The following GPATCH8 variants were observed in gnomAD, a reference collection of about 807,000 sequenced individuals.
GPATCH8 encodes the protein G patch domain-containing protein 8.
A neutral mutation model predicts 118.3 loss-of-function variants in GPATCH8; 18 were observed. The observed-to-expected ratio is 0.15, with a 90% CI of 0.11 to 0.23. The LOEUF (loss-of-function observed/expected upper bound fraction) is 0.23. Ranked by LOEUF, GPATCH8 falls within the 10% of genes least tolerant of loss-of-function variation. The probability of loss-of-function intolerance (pLI) is 1.00; values close to 1 mark genes in which losing one functional copy is unlikely to be tolerated. For missense variants in GPATCH8, 1,631 were observed against 1,873.8 expected, an observed-to-expected ratio of 0.87 and a Z score of 2.39; for synonymous variants, 659 against 684.7, an observed-to-expected ratio of 0.96 and a Z score of 0.59.
At chr17:44,469,319 A>C (rs772508030) in intron 2 of GPATCH8, among the ~76,000 whole-genome samples, 2 of 152,220 alleles carry the variant, frequency 1.3e-5, no homozygotes, top group African/African-American at 4.8e-5. Context: ...TTAAATACCA[A>C]GTAGAAACTT....
rs143370562 is a variant in GPATCH8, at chr17:44,399,999, G to A, written c.2078C>T (p.Ala693Val). The change falls in exon 8 of 8, where the codon GCT becomes GTT. Residue 693 changes from alanine to valine, a missense_variant. This residue lies in a region of GPATCH8 where 922 missense variants were observed against 879.7 expected (regional missense o/e 1.05). Coordinates refer to ENST00000591680, the MANE Select transcript of GPATCH8 (RefSeq NM_001002909.4). ...CTTAGAGCTTTTCTCTTCTGTGTCA[G>A]CCTTGTGTTTACGTTTGTGTTTGCT... ...KSSKHKRKHKADTEEKSSKAE... is the reference protein window; with the variant it reads ...KSSKHKRKHKVDTEEKSSKAE... 2.0e-5 allele frequency: 32 copies of A among 1,613,948 alleles called. No homozygotes were observed. In the African/African-American group the frequency reaches 3.3e-4, roughly 17 times the overall value.
At chr17:44,467,359 G>A (rs2051809957) in intron 2 of GPATCH8, among the ~76,000 whole-genome samples, 1 of 152,088 alleles carries the variant, frequency 6.6e-6, no homozygotes, top group East Asian at 1.9e-4. Flanking sequence ...AAAAAATTAA[G>A]GTTATACACA....
rs777764106 is a variant in GPATCH8 at position 44,401,488 on chromosome 17, G to C, written c.624-35C>G. The stretch of plus-strand genomic sequence containing the variant: ...GATTTAGAAAAATAAAAAACAAAAA[G>C]CAGGTTTAGGAGTACATTTCATAAA... On this transcript the variant is annotated intron_variant, in intron 7 of 7. Coordinates refer to ENST00000591680, the MANE Select transcript of GPATCH8 (RefSeq NM_001002909.4). The C allele has an allele frequency of 8.2e-6, 11 of 1,335,200 alleles. 1 individual carries two copies. The Admixed American group carries it at 1.5e-4, about 18-fold the overall frequency. 82.7% of individuals were successfully genotyped at this position (1,335,200 alleles called of 1,614,324 possible). A position where few individuals can be genotyped will look rare whatever the true frequency, so the allele number is the denominator to read the frequency against.
chr17:44,401,589 T>C (rs910006431), intron 7 of GPATCH8, 136 bp from the exon 8 acceptor site: 2 of 706,294 alleles, frequency 2.8e-6, no homozygotes, highest in South Asian at 1.6e-5. Context: ...GGTGGTCATA[T>C]TCCCTAGCCC....
chr17:44,445,487 T>C (rs2050842260), intron 3 of GPATCH8, among the ~76,000 whole-genome samples: 1 of 151,194 alleles, frequency 6.6e-6, no homozygotes, highest in Non-Finnish European at 1.5e-5. Flanking sequence ...CCAATCTATG[T>C]GAGTATTTCT....
intron 2 of GPATCH8, among the ~76,000 whole-genome samples, chr17:44,469,751 AC>A (rs1237764181): frequency 6.6e-6 from 1 of 152,232 alleles, no homozygotes; most frequent in East Asian, 1.9e-4. Context: ...TCTATAGCTC[AC>A]TACAGATGAC....
At position 44,397,488 on chromosome 17, in the gene GPATCH8, T is replaced by C. The variant is rs1388033844; in HGVS notation, c.*80A>G. Reference sequence around the variant, plus strand: ...ACTGCCCATCCCAGCTTCTACTTGCTGGTATTAATGGCTCAACACCCCCAA... The same window carrying C: ...ACTGCCCATCCCAGCTTCTACTTGCCGGTATTAATGGCTCAACACCCCCAA... On this transcript the variant is annotated 3_prime_UTR_variant, in exon 8 of 8. Coordinates refer to ENST00000591680, the MANE Select transcript of GPATCH8 (RefSeq NM_001002909.4). The C allele has an allele frequency of 3.1e-6, 3 of 958,588 alleles. No homozygotes were observed. The highest frequency in any genetic ancestry group is 5.1e-6 in the Non-Finnish European group (3 of 589,580). 59.4% of individuals were successfully genotyped at this position (958,588 alleles called of 1,614,324 possible).
intron 5 of GPATCH8, among the ~76,000 whole-genome samples, chr17:44,431,525 T>A (rs1394418644): frequency 1.3e-5 from 2 of 151,616 alleles, no homozygotes; most frequent in African/African-American, 4.8e-5. Flanking sequence ...GTGTTTATAG[T>A]TTTTCTTTAT....
intron 3 of GPATCH8, among the ~76,000 whole-genome samples, chr17:44,446,690 TATA>T (rs1441269205): frequency 5.3e-5 from 8 of 152,246 alleles, no homozygotes. Flanking sequence ...CTTGTGATAC[TATA>T]ATAAGCCAAC....
chr17:44,418,014 T>C (rs2049751427), intron 6 of GPATCH8, among the ~76,000 whole-genome samples: 1 of 152,160 alleles, frequency 6.6e-6, no homozygotes, highest in South Asian at 2.1e-4. Flanking sequence ...ATCTATGAGA[T>C]AATTTGTGAC....
At chr17:44,476,415 G>C (rs891785425) in intron 1 of GPATCH8, among the ~76,000 whole-genome samples, 1 of 152,064 alleles carries the variant, frequency 6.6e-6, no homozygotes, top group African/African-American at 2.4e-5. Flanking sequence ...ATGTTGCCCA[G>C]GGTAGTCTCA....
At chr17:44,407,478 T>A (rs908254189) in intron 6 of GPATCH8, among the ~76,000 whole-genome samples, 4 of 152,184 alleles carry the variant, frequency 2.6e-5, no homozygotes, top group African/African-American at 9.7e-5. Context: ...ACACACAGAC[T>A]GACACAGTAA....
chr17:44,421,893 A>G (rs1049458280), intron 6 of GPATCH8, among the ~76,000 whole-genome samples: 1 of 151,154 alleles, frequency 6.6e-6, no homozygotes, highest in African/African-American at 2.4e-5. Flanking sequence ...TGCCTGGCTA[A>G]TTTTTGTAGT....
intron 1 of GPATCH8, among the ~76,000 whole-genome samples, chr17:44,488,084 G>A (rs1319722088): frequency 1.3e-5 from 2 of 150,942 alleles, no homozygotes; most frequent in Non-Finnish European, 3.0e-5. Context: ...CACCACATCC[G>A]GGCTAATTTT....
rs1472988975 is a variant in GPATCH8 at position 44,478,582 on chromosome 17, C to G, written c.46-3679G>C. Among the ~76,000 whole-genome samples the G allele has an allele frequency of 5.9e-5, 9 of 151,912 alleles. 1 individual carries two copies. Among genetic ancestry groups the G allele is most frequent in the Non-Finnish European group, 8.8e-5 (6 of 67,956 alleles). On this transcript the variant is annotated intron_variant, in intron 1 of 7. Transcript: ENST00000591680. ...GGAGGCTGAGGCAGGAGGATCACTT[C>G]AGCCCAGGGGTTCAAGACTGCTGTG...
rs1008711493 is a variant in GPATCH8 at position 44,460,422 on chromosome 17, A to T, written c.193+4050T>A. On this transcript the variant is annotated intron_variant, in intron 3 of 7. Transcript: ENST00000591680. ...ATGAAATGTGAATAAGAAAATGGGT[A>T]CAAAAATAAACTCAGTTTACAAAGT... 1.1e-4 allele frequency among the ~76,000 whole-genome samples: 16 copies of T among 152,210 alleles called. 1 individual carries two copies. The highest frequency in any genetic ancestry group is 4.4e-5 in the Non-Finnish European group (3 of 68,034).
At chr17:44,436,029 C>CAAAAAAA (rs1157048818) in intron 4 of GPATCH8, among the ~76,000 whole-genome samples, 9 of 41,776 alleles carry the variant, frequency 2.2e-4, no homozygotes, top group Admixed American at 7.1e-4. Flanking sequence ...AACTCCATCT[C>CAAAAAAA]AAAAAAAAAA....
intron 2 of GPATCH8, among the ~76,000 whole-genome samples, chr17:44,470,557 C>T (rs920167712): frequency 3.5e-5 from 5 of 141,574 alleles, no homozygotes; most frequent in Admixed American, 7.4e-5. Flanking sequence ...AGTACAGTGG[C>T]GTGATCTCGA....
At chr17:44,495,423 TGTTTTTCTGATAATCATGCTG>T (rs1282721160) in intron 1 of GPATCH8, among the ~76,000 whole-genome samples, 21 of 152,228 alleles carry the variant, frequency 1.4e-4, no homozygotes, top group African/African-American at 2.9e-4. Context: ...TTAGCTATAC[TGTTTTTCTGATAATCATGCTG>T]GTTTTTCTGA....
Sources: gnomAD v4.1 joint callset for allele counts (sites outside exome capture counted in the v4.1 genomes callset) on GRCh38, gnomAD v4.1.1 for gene constraint, gnomAD v4.1.1 regional missense constraint, MANE v1.5 for transcripts, NCBI Gene and HGNC (gene_info 2026-07-23, HGNC 2026-07-21) for gene names.